Variants in FLT3 observed in about 807,000 individuals in gnomAD.
FLT3 encodes receptor-type tyrosine-protein kinase FLT3.
A neutral mutation model predicts 126.6 loss-of-function variants in FLT3; 46 were observed. That is an observed-to-expected ratio of 0.36 (90% CI 0.29 to 0.46). The LOEUF (loss-of-function observed/expected upper bound fraction) is 0.46, where lower values mean the gene tolerates loss of function less well. FLT3 is among the 20% of genes least tolerant of loss of function. The pLI, the probability that FLT3 is intolerant of heterozygous loss-of-function variation, is 1.00. For missense variants in FLT3, 1,069 were observed against 1,190.3 expected (o/e 0.90, Z 1.50); for synonymous variants, 404 against 434.4 (o/e 0.93, Z 0.87).
intron 1 of FLT3, among the ~76,000 whole-genome samples, chr13:28,093,174 C>T (rs1348312052): frequency 1.3e-5 from 2 of 151,796 alleles, no homozygotes; most frequent in African/African-American, 4.8e-5. Flanking sequence ...GATCCACTCA[C>T]CTTGGCCTCC....
chr13:28,041,186 C>T (rs375831868), intron 9 of FLT3, among the ~76,000 whole-genome samples: 22 of 152,126 alleles, frequency 1.4e-4, no homozygotes, highest in African/African-American at 5.3e-4. Flanking sequence ...CATGCCAGTG[C>T]CCGACCTCAG....
intron 23 of FLT3, among the ~76,000 whole-genome samples, chr13:28,004,808 A>T (rs1004643664): frequency 5.9e-5 from 9 of 152,214 alleles, no homozygotes; most frequent in African/African-American, 2.2e-4. Flanking sequence ...ACTCTCAGAT[A>T]TAAAATGTCA....
intron 19 of FLT3, among the ~76,000 whole-genome samples, chr13:28,021,597 C>A (rs151338737): frequency 2.6e-5 from 4 of 152,084 alleles, no homozygotes; most frequent in African/African-American, 9.6e-5. Context: ...TGCTTTTAAG[C>A]TTATTTCATT....
chr13:28,069,102 T>G lies in FLT3; in HGVS notation c.165+1389A>C, dbSNP rs191280171. On this transcript the variant is annotated intron_variant, in intron 2 of 23. Transcript: ENST00000241453. ...TATCAGTCTAAGTAATGGGAAATCA[T>G]GGAGGGTTCAGAGCCAGGCAATGAA... is the stretch of plus-strand genomic sequence containing the variant. Among the ~76,000 whole-genome samples the G allele has an allele frequency of 2.0e-5, 3 of 152,186 alleles. No individual in the cohort carries two copies. In the East Asian group the frequency reaches 5.8e-4, roughly 29 times the overall value.
rs758146765 is a variant in FLT3 at position 28,014,502 on chromosome 13, G to A, written c.2809C>T (p.Pro937Ser). 7.4e-6 allele frequency: 12 copies of A among 1,614,072 alleles called. No homozygotes were observed. The South Asian group carries it at 1.2e-4, about 16-fold the overall frequency. ...CATCCTAAAAACGAAGTCAAATTAG[G>A]GAAGGATGGCCGTTTCCTTGAGTCA... Reference protein sequence around the residue: ...AFDSRKRPSFPNLTSFLGCQL... With the variant: ...AFDSRKRPSFSNLTSFLGCQL... Residue 937 changes from proline (P) to serine (S), a missense_variant, in exon 23 of 24, where the codon CCT becomes TCT. Coordinates refer to ENST00000241453, the MANE Select transcript of FLT3 (RefSeq NM_004119.3).
chr13:28,007,482 A>G (rs550677480), intron 23 of FLT3, among the ~76,000 whole-genome samples: 44 of 152,222 alleles, frequency 2.9e-4, no homozygotes, highest in Admixed American at 8.5e-4. Context: ...TCTGAGCCCA[A>G]GTGATCCTCT....
chr13:28,004,553 C>T (rs1272075633), intron 23 of FLT3, among the ~76,000 whole-genome samples: 1 of 152,106 alleles, frequency 6.6e-6, no homozygotes, highest in Non-Finnish European at 1.5e-5. Flanking sequence ...TGATCCCACA[C>T]CACCCCGGCC....
chr13:28,028,103 GAGA>G, intron 16 of FLT3, 72 bp downstream of exon 16: 1 of 778,712 alleles, frequency 1.3e-6, no homozygotes, highest in Non-Finnish European at 2.3e-6. Context: ...GAGAGAGAGA[GAGA>G]GAGAGCAAAC....
intron 23 of FLT3, among the ~76,000 whole-genome samples, chr13:28,004,560 G>A (rs1345678273): frequency 2.0e-5 from 3 of 151,956 alleles, no homozygotes; most frequent in African/African-American, 7.3e-5. Context: ...ACACCACCCC[G>A]GCCTCCCAAA....
chr13:28,093,502 T>A (rs1879258271), intron 1 of FLT3, among the ~76,000 whole-genome samples: 1 of 152,194 alleles, frequency 6.6e-6, no homozygotes, highest in Admixed American at 6.5e-5. Flanking sequence ...AATAATTTGC[T>A]GAATTACAAC....
intron 23 of FLT3, among the ~76,000 whole-genome samples, chr13:28,009,896 A>G (rs985989933): frequency 6.6e-6 from 1 of 151,958 alleles, no homozygotes; most frequent in Non-Finnish European, 1.5e-5. Context: ...CTTATTTCCT[A>G]TAATTTATGG....
Position 28,015,683 on chromosome 13 carries a change from A to G in FLT3, c.2560T>C (p.Trp854Arg). 2 of 1,612,774 alleles carry G rather than the reference A, an allele frequency of 1.2e-6. No individual in the cohort carries two copies. Among genetic ancestry groups the G allele is most frequent in the South Asian group, 1.1e-5 (1 of 91,044 alleles). Residue 854 changes from tryptophan (W) to arginine (R), a missense_variant, in exon 21 of 24, where the codon TGG becomes CGG. Trp to Arg is a moderately radical substitution (Grantham distance 101). Transcript: ENST00000241453. Reference sequence around the variant, plus strand: ...TCAAACAGGCTTTCGGGGGCCATCCATTTTACAGGCAGACGGGCCTGTGGA... The same window carrying G: ...TCAAACAGGCTTTCGGGGGCCATCCGTTTTACAGGCAGACGGGCCTGTGGA... ...VRGNARLPVK[W>R]MAPESLFEGI...
chr13:28,008,827 T>C (rs1871135874), intron 23 of FLT3, among the ~76,000 whole-genome samples: 1 of 152,122 alleles, frequency 6.6e-6, no homozygotes, highest in South Asian at 2.1e-4. Flanking sequence ...GGTTGGGTGA[T>C]TTTTTTATTA....
chr13:28,025,573 G>A (rs370596249), intron 17 of FLT3, among the ~76,000 whole-genome samples: 13 of 152,230 alleles, frequency 8.5e-5, no homozygotes, highest in African/African-American at 2.9e-4. Context: ...TTAGGAAATG[G>A]CTTCATGCTT....
chr13:28,010,895 C>CG (rs151084548), intron 23 of FLT3, among the ~76,000 whole-genome samples: 2,312 of 152,216 alleles, frequency 0.015, 66 homozygotes, highest in African/African-American at 0.053. Flanking sequence ...CCCAGCTACT[C>CG]AAGAGGCTGA....
At chr13:28,088,322 C>A (rs1026877743) in intron 1 of FLT3, among the ~76,000 whole-genome samples, 1 of 151,824 alleles carries the variant, frequency 6.6e-6, no homozygotes, top group Non-Finnish European at 1.5e-5. Flanking sequence ...GAGTCTCACT[C>A]TGTTGCCCAG....
At chr13:28,066,782 A>C (rs1877074824) in intron 2 of FLT3, among the ~76,000 whole-genome samples, 1 of 152,240 alleles carries the variant, frequency 6.6e-6, no homozygotes, top group African/African-American at 2.4e-5. Flanking sequence ...ACACCACCAT[A>C]ATAATCGTAG....
chr13:28,081,844 CTTTTT>C (rs35243277), intron 1 of FLT3, among the ~76,000 whole-genome samples: 2 of 64,974 alleles, frequency 3.1e-5, no homozygotes, highest in African/African-American at 1.4e-4. Context: ...TACTTTGATT[CTTTTT>C]TTTTTTTTTT....
At chr13:28,047,195 T>G (rs1874960294) in intron 9 of FLT3, among the ~76,000 whole-genome samples, 1 of 152,176 alleles carries the variant, frequency 6.6e-6, no homozygotes, top group East Asian at 1.9e-4. Context: ...CAGATGATTC[T>G]TACACAGTTG....
Sources: allele counts gnomAD v4.1 joint callset (sites outside exome capture counted in the v4.1 genomes callset), GRCh38; gene constraint gnomAD v4.1.1; transcripts MANE v1.5; gene names NCBI Gene and HGNC (gene_info 2026-07-23, HGNC 2026-07-21).